The following RTTN variants were observed in gnomAD, a reference collection of about 807,000 sequenced individuals.
RTTN encodes rotatin.
In RTTN, 182 loss-of-function variants were observed where a neutral mutation model predicts 269.2. The observed-to-expected ratio is 0.68, with a 90% CI of 0.60 to 0.76. The LOEUF is 0.76. Ranked by LOEUF, RTTN falls within the 30% of genes least tolerant of loss-of-function variation. The pLI is 0.00. For missense variants in RTTN, 2,545 were observed against 2,608.6 expected (o/e 0.98, Z 0.53); for synonymous variants, 1,006 against 963.5 (o/e 1.04, Z -0.82).
chr18:70,047,230 C>T (rs2057516318), intron 40 of RTTN, among the ~76,000 whole-genome samples: 1 of 152,114 alleles, frequency 6.6e-6, no homozygotes, highest in Non-Finnish European at 1.5e-5. Context: ...TACTTTTCTG[C>T]CTTTCAGTGA....
At chr18:70,184,407 T>A (rs2061486769) in intron 10 of RTTN, among the ~76,000 whole-genome samples, 1 of 151,964 alleles carries the variant, frequency 6.6e-6, no homozygotes, top group Middle Eastern at 3.4e-3. Context: ...TACAAAAAAA[T>A]TAGCTGGGCA....
rs1178313093 is a variant in RTTN, at chr18:70,081,333, TAAAAC to T, written c.4374+5275_4374+5279del. ...CAATAACCTATGGGGGAAAAAAAAG[TAAAAC>T]AAAACAAAACAAAAAACTAGTGAAA... On this transcript the variant is annotated intron_variant, in intron 32 of 48. Coordinates refer to ENST00000640769, the MANE Select transcript of RTTN (RefSeq NM_173630.4). Among the ~76,000 whole-genome samples the T allele has an allele frequency of 4.0e-5, 6 of 151,708 alleles. No individual in the cohort carries two copies. The South Asian group carries it at 1.0e-3, about 26-fold the overall frequency.
chr18:70,111,086 C>T (rs1011756877), intron 27 of RTTN, among the ~76,000 whole-genome samples: 18 of 152,220 alleles, frequency 1.2e-4, no homozygotes, highest in Admixed American at 8.5e-4. Context: ...AAACCCCCAT[C>T]TCCCTGGGAC....
intron 14 of RTTN, among the ~76,000 whole-genome samples, chr18:70,154,062 ATTCT>A (rs938766913): frequency 6.6e-6 from 1 of 152,158 alleles, no homozygotes; most frequent in African/African-American, 2.4e-5. Context: ...AACAAAAAAT[ATTCT>A]TTCAGTTTAA....
At chr18:70,175,044 C>T (rs1170465837) in intron 11 of RTTN, among the ~76,000 whole-genome samples, 1 of 9,208 alleles carries the variant, frequency 1.1e-4, no homozygotes, top group African/African-American at 2.8e-4. Context: ...AAAACCAAAA[C>T]CAAAAAAAAA....
rs369951676 is a variant in RTTN at position 70,073,915 on chromosome 18, T to C, written c.4644A>G (p.Ser1548=). Residue 1548 remains serine, a synonymous_variant, in exon 34 of 49, where the codon TCA becomes TCG. Transcript: ENST00000640769. ...QDRDPSSLST[S]ETTVAPSLGS... ...CATTCTTTGCAAGTACCGTTGTTTC[T>C]GAGGTGGAGAGAGAACTTGGATCTC... 1.7e-4 allele frequency: 268 copies of C among 1,610,070 alleles called. 1 individual carries two copies. Among genetic ancestry groups the C allele is most frequent in the Non-Finnish European group, 2.0e-4 (238 of 1,176,942 alleles).
In RTTN at chr18:70,017,365, G is replaced by A. The variant is rs769525642; in HGVS notation, c.6421+42C>T. On this transcript the variant is annotated intron_variant, in intron 46 of 48. Transcript: ENST00000640769. ...TTTGGTGTTGACCTGAACAGTCTATGAATAACTACATATATAAATGTATGT... is the reference window on the plus strand; with the variant it reads ...TTTGGTGTTGACCTGAACAGTCTATAAATAACTACATATATAAATGTATGT... The A allele has an allele frequency of 8.9e-6, 14 of 1,564,870 alleles. No individual in the cohort carries two copies. In the East Asian group the frequency reaches 3.1e-4, roughly 35 times the overall value.
intron 28 of RTTN, among the ~76,000 whole-genome samples, chr18:70,098,629 TA>T (rs781598741): frequency 2.0e-5 from 3 of 152,270 alleles, no homozygotes; most frequent in Non-Finnish European, 4.4e-5. Flanking sequence ...TATTTATAAT[TA>T]AAAAATGAAG....
At chr18:70,030,751 T>C in intron 41 of RTTN, 125 bp downstream of exon 41, 1 of 592,108 alleles carries the variant, frequency 1.7e-6, no homozygotes, top group Non-Finnish European at 2.8e-6. Flanking sequence ...AAATTATTTT[T>C]AGTGACACTG....
At chr18:70,051,653 G>T (rs1009389089) in intron 38 of RTTN, 105 bp from the exon 39 acceptor site, 2 of 712,856 alleles carry the variant, frequency 2.8e-6, no homozygotes, top group Non-Finnish European at 4.3e-6. Flanking sequence ...TAAAATGAGG[G>T]GTGTGCACTT....
At position 70,142,506 on chromosome 18, in the gene RTTN, C is replaced by T. The variant is rs976067956; in HGVS notation, c.2482-119G>A. On this transcript the variant is annotated intron_variant, in intron 18 of 48. Transcript: ENST00000640769. ...TCAAAAAGTCAACTTATTTAAATAA[C>T]CAACATAATTACAGGTAAATTCACA... 3.3e-5 allele frequency: 21 copies of T among 629,784 alleles called. No individual in the cohort carries two copies. In the African/African-American group the frequency reaches 3.9e-4, roughly 12 times the overall value. The allele number at this position is 629,784 out of a possible 1,614,324, so 39.0% of individuals were successfully genotyped here.
At chr18:70,086,476 T>G in intron 32 of RTTN, 137 bp downstream of exon 32, 1 of 751,668 alleles carries the variant, frequency 1.3e-6, no homozygotes, top group South Asian at 1.7e-5. Context: ...AAGAACAAAT[T>G]CTACGTTCTA....
At chr18:70,037,478 G>C (rs2057210906) in intron 40 of RTTN, among the ~76,000 whole-genome samples, 1 of 152,100 alleles carries the variant, frequency 6.6e-6, no homozygotes, top group Admixed American at 6.6e-5. Context: ...TCCATTCCAG[G>C]CCCATTCCTG....
chr18:70,146,679 T>C (rs998000805), intron 17 of RTTN, among the ~76,000 whole-genome samples: 1 of 152,192 alleles, frequency 6.6e-6, no homozygotes, highest in Non-Finnish European at 1.5e-5. Flanking sequence ...TGACAATTAA[T>C]AATAAAGAAT....
chr18:70,149,897 G>A (rs2060492566), intron 16 of RTTN, 74 bp downstream of exon 16: 1 of 1,018,478 alleles, frequency 9.8e-7, no homozygotes, highest in Admixed American at 1.7e-5. Context: ...CAGTTTAGCT[G>A]TTTGCATGCA....
rs58701886 is a variant in RTTN at position 70,090,036 on chromosome 18, C to T, written c.4144-1889G>A. Reference sequence around the variant, plus strand: ...GAATACCCATTTAAGAAAAAGATCACGGGTGCAATTCATGGACTTAATCAG... The same window carrying T: ...GAATACCCATTTAAGAAAAAGATCATGGGTGCAATTCATGGACTTAATCAG... On this transcript the variant is annotated intron_variant, in intron 30 of 48. Transcript: ENST00000640769. Among the ~76,000 whole-genome samples, 604 of 152,226 alleles carry T rather than the reference C, an allele frequency of 4.0e-3. 5 individuals are homozygous for T. The highest frequency in any genetic ancestry group is 0.014 in the African/African-American group (567 of 41,538).
At chr18:70,069,583 T>C (rs1390617283) in intron 34 of RTTN, among the ~76,000 whole-genome samples, 5 of 152,184 alleles carry the variant, frequency 3.3e-5, no homozygotes, top group African/African-American at 4.8e-5. Flanking sequence ...TTCTGTCATA[T>C]AAGCAAAAAT....
intron 10 of RTTN, among the ~76,000 whole-genome samples, chr18:70,182,340 T>C (rs965714565): frequency 2.6e-5 from 4 of 152,170 alleles, no homozygotes; most frequent in Non-Finnish European, 5.9e-5. Flanking sequence ...TTCACAAGGA[T>C]TTCAGACAGC....
chr18:70,072,032 G>A (rs919172857), intron 34 of RTTN, among the ~76,000 whole-genome samples: 25 of 152,056 alleles, frequency 1.6e-4, no homozygotes, highest in Non-Finnish European at 3.5e-4. Flanking sequence ...TGCCTTGGTC[G>A]AAGTACTGAC....
Sources: allele counts gnomAD v4.1 joint callset (sites outside exome capture counted in the v4.1 genomes callset), GRCh38; gene constraint gnomAD v4.1.1; transcripts MANE v1.5; gene names NCBI Gene and HGNC (gene_info 2026-07-23, HGNC 2026-07-21).